The following CYLC1 variants were observed in gnomAD, a reference collection of about 807,000 sequenced individuals.
CYLC1 encodes the protein cylicin-1.
In CYLC1, 2 loss-of-function variants were observed where a neutral mutation model predicts 31.6. That is an observed-to-expected ratio of 0.06 (90% confidence interval 0.03 to 0.20). CYLC1 has a LOEUF of 0.20. Among genes scored for constraint, CYLC1 ranks in the 10% least tolerant of loss-of-function variants. CYLC1 has a pLI of 1.00. For synonymous variants in CYLC1, 185 were observed against 153.0 expected (o/e 1.21, Z -1.54); for missense variants, 595 against 424.1 (o/e 1.40, Z -3.54).
At chrX:83,861,808 G>T (rs1296424214) in intron 1 of CYLC1, among the ~76,000 whole-genome samples, 2 of 111,000 alleles carry the variant, frequency 1.8e-5, no homozygotes, top group African/African-American at 6.5e-5. Flanking sequence ...TTAAGATAAT[G>T]TAAGCCATGC....
At chrX:83,864,258 C>T (rs1368519742) in intron 1 of CYLC1, among the ~76,000 whole-genome samples, 2 of 110,990 alleles carry the variant, frequency 1.8e-5, no homozygotes, top group Non-Finnish European at 1.9e-5. Context: ...GGACATAATT[C>T]GACTCATAAC....
At position 83,882,912 on chromosome X, in the gene CYLC1, G is replaced by A. The variant is rs181151633; in HGVS notation, c.1924-3640G>A. On this transcript the variant is annotated intron_variant, in intron 4 of 4. Coordinates refer to ENST00000329312, the MANE Select transcript of CYLC1 (RefSeq NM_021118.3). ...TTAATTTAAATTTAATCCACCATTGGGGCCTTTTCTGTTATTCTGGTAAAG... is the reference window on the plus strand; with the variant it reads ...TTAATTTAAATTTAATCCACCATTGAGGCCTTTTCTGTTATTCTGGTAAAG... Among the ~76,000 whole-genome samples, 657 of 109,415 alleles carry A rather than the reference G, an allele frequency of 6.0e-3. 5 individuals carry two copies. The highest frequency in any genetic ancestry group is 0.021 in the African/African-American group (625 of 30,141).
At chrX:83,864,431 T>C (rs1014191941) in intron 1 of CYLC1, among the ~76,000 whole-genome samples, 11 of 110,876 alleles carry the variant, frequency 9.9e-5, no homozygotes, top group Admixed American at 6.8e-4. Flanking sequence ...ACTTAAAAAA[T>C]CCCTTTTCCT....
intron 4 of CYLC1, among the ~76,000 whole-genome samples, chrX:83,876,250 T>C (rs1260127882): frequency 9.1e-6 from 1 of 110,404 alleles, no homozygotes; most frequent in Non-Finnish European, 1.9e-5. Flanking sequence ...TCAAAGTTGA[T>C]TAATGACCCC....
At position 83,878,575 on chromosome X, in the gene CYLC1, CA is replaced by C. The variant is rs1172918984; in HGVS notation, c.1923+3949del. ...ATATTTTAATATATGTCCACAGATT[CA>C]AAAACAGCACCTATGTTATATTTAG... is the stretch of plus-strand genomic sequence containing the variant. On this transcript the variant is annotated intron_variant, in intron 4 of 4. Coordinates refer to ENST00000329312, the MANE Select transcript of CYLC1 (RefSeq NM_021118.3). Among the ~76,000 whole-genome samples, 3 of 90,105 alleles carry C rather than the reference CA, an allele frequency of 3.3e-5. No individual in the cohort carries two copies. In the East Asian group the frequency reaches 1.0e-3, roughly 31 times the overall value. 78.2% of individuals were successfully genotyped at this position (90,105 alleles called of 115,157 possible).
intron 1 of CYLC1, among the ~76,000 whole-genome samples, chrX:83,861,630 C>T (rs1287697518): frequency 1.8e-5 from 2 of 111,256 alleles, no homozygotes; most frequent in Non-Finnish European, 3.8e-5. Flanking sequence ...ATTATTATGT[C>T]CAAGAAAGTG....
chrX:83,861,993 T>C (rs1377880662), intron 1 of CYLC1, among the ~76,000 whole-genome samples: 1 of 111,482 alleles, frequency 9.0e-6, no homozygotes. Context: ...AATATGGGTA[T>C]ATGACCAGGC....
Position 83,872,987 on chromosome X carries a change from T to C in CYLC1, c.279T>C (p.Ala93=). ...KILQWPPIYT[A]AREQTPFRHL... Reference sequence around the variant, plus strand: ...TGCAATGGCCACCCATTTACACAGCTGCCAGGGAACAGACTCCATTCAGAC... The same window carrying C: ...TGCAATGGCCACCCATTTACACAGCCGCCAGGGAACAGACTCCATTCAGAC... The change falls in exon 4 of 5, where the codon GCT becomes GCC. Residue 93 remains alanine (A), a synonymous_variant. Transcript: ENST00000329312. 8.3e-7 allele frequency: 1 copy of C among 1,206,414 alleles called. No individual in the cohort carries two copies. Among genetic ancestry groups the C allele is most frequent in the African/African-American group, 1.7e-5 (1 of 57,263 alleles).
chrX:83,868,099 A>C (rs1250357534), intron 1 of CYLC1, among the ~76,000 whole-genome samples: 2 of 111,295 alleles, frequency 1.8e-5, no homozygotes, highest in Non-Finnish European at 3.8e-5. Context: ...GAGTGCATAA[A>C]CTGAAAAGGA....
At chrX:83,878,060 A>T (rs1306032229) in intron 4 of CYLC1, among the ~76,000 whole-genome samples, 23 of 62,622 alleles carry the variant, frequency 3.7e-4, no homozygotes, top group South Asian at 1.8e-3. Context: ...ATATATTTGT[A>T]TATAAATATA....
chrX:83,861,429 T>G (rs1397899049), intron 1 of CYLC1, among the ~76,000 whole-genome samples: 3 of 107,066 alleles, frequency 2.8e-5, no homozygotes, highest in African/African-American at 9.8e-5. Context: ...GAATCTTGAC[T>G]GTTTGATCTC....
intron 1 of CYLC1, among the ~76,000 whole-genome samples, chrX:83,861,453 T>C (rs1278091132): frequency 8.9e-6 from 1 of 111,847 alleles, no homozygotes; most frequent in African/African-American, 3.2e-5. Context: ...GAGTCTCAGT[T>C]TCTTATAACT....
chrX:83,881,816 C>T (rs6524264), intron 4 of CYLC1, among the ~76,000 whole-genome samples: 1,281 of 106,745 alleles, frequency 0.012, 10 homozygotes, highest in Non-Finnish European at 0.019. Flanking sequence ...CCTGCCTCAG[C>T]CTCCCGTGTA....
At chrX:83,878,123 T>C (rs1250856905) in intron 4 of CYLC1, among the ~76,000 whole-genome samples, 2 of 50,681 alleles carry the variant, frequency 3.9e-5, no homozygotes, top group African/African-American at 8.6e-5. Context: ...TATTTGTATA[T>C]AAATATATAT....
At chrX:83,872,752 C>CAG in intron 3 of CYLC1, 134 bp from the exon 4 acceptor site, 1 of 482,008 alleles carries the variant, frequency 2.1e-6, no homozygotes, top group Non-Finnish European at 3.2e-6. Context: ...CACACACACA[C>CAG]ACAGACACAA....
At chrX:83,884,757 A>AT (rs892031482) in intron 4 of CYLC1, among the ~76,000 whole-genome samples, 3 of 111,059 alleles carry the variant, frequency 2.7e-5, no homozygotes, top group Non-Finnish European at 5.7e-5. Flanking sequence ...TTTTTTTCCT[A>AT]TTTTTTAACT....
chrX:83,864,766 C>T (rs777215087), intron 1 of CYLC1: 1 of 299,310 alleles, frequency 3.3e-6, no homozygotes, highest in South Asian at 3.1e-5. Context: ...ATTTACAATT[C>T]CACTAGCAGC....
At chrX:83,882,895 A>T (rs1311249543) in intron 4 of CYLC1, among the ~76,000 whole-genome samples, 2 of 111,124 alleles carry the variant, frequency 1.8e-5, no homozygotes, top group African/African-American at 6.5e-5. Flanking sequence ...TTTTAATTTA[A>T]ATTTAATCCA....
chrX:83,872,821 T>C, intron 3 of CYLC1, 65 bp from the exon 4 acceptor site: 3 of 846,662 alleles, frequency 3.5e-6, no homozygotes, highest in Non-Finnish European at 4.8e-6. Context: ...TAAACTTTTT[T>C]ATGTTTCAAT....
Sources: allele counts gnomAD v4.1 joint callset (sites outside exome capture counted in the v4.1 genomes callset), GRCh38; gene constraint gnomAD v4.1.1; transcripts MANE v1.5; gene names NCBI Gene and HGNC (gene_info 2026-07-23, HGNC 2026-07-21).